The following DZIP3 variants were observed in gnomAD, a reference collection of about 807,000 sequenced individuals.
DZIP3 encodes the protein E3 ubiquitin-protein ligase DZIP3.
In DZIP3, 118 loss-of-function variants were observed where a neutral mutation model predicts 162.0. The ratio of observed to expected loss-of-function variants is 0.73; its 90% CI spans 0.63 to 0.85. The LOEUF (loss-of-function observed/expected upper bound fraction) is 0.85, where lower values mean the gene tolerates loss of function less well. Ranked by LOEUF, DZIP3 falls within the 40% of genes least tolerant of loss-of-function variation. The pLI is 0.00. For synonymous variants in DZIP3, 438 were observed against 458.6 expected (o/e 0.96, Z 0.57); for missense variants, 1,331 against 1,407.0 (o/e 0.95, Z 0.86).
At chr3:108,645,167 G>A (rs1460948540) in intron 14 of DZIP3, among the ~76,000 whole-genome samples, 3 of 152,144 alleles carry the variant, frequency 2.0e-5, no homozygotes, top group African/African-American at 7.2e-5. Context: ...AGTTCATAGA[G>A]TACATTCAAG....
intron 2 of DZIP3, among the ~76,000 whole-genome samples, chr3:108,607,626 C>G (rs1018959082): frequency 1.3e-5 from 2 of 152,096 alleles, no homozygotes; most frequent in African/African-American, 2.4e-5. Context: ...AAATATGATA[C>G]TTTTCCTCAG....
rs754743303 is a variant in DZIP3, at chr3:108,688,677, C to T, written c.3355C>T (p.Pro1119Ser). The change falls in exon 30 of 33, where the codon CCA becomes TCA. Residue 1119 changes from proline (P) to serine (S), a missense_variant. Physicochemically the swap from Pro to Ser is moderately conservative, Grantham distance 74. Coordinates refer to ENST00000361582, the MANE Select transcript of DZIP3 (RefSeq NM_014648.4). The stretch of plus-strand genomic sequence containing the variant: ...GCCTGATGCTGCCCAGCCCCCAAAA[C>T]CAGCCTGGAGGCCACTCACTTCACA... ...SQPDAAQPPK[P>S]AWRPLTSQGP... 1.6e-5 allele frequency: 26 copies of T among 1,614,016 alleles called. No individual in the cohort carries two copies. Among genetic ancestry groups the T allele is most frequent in the African/African-American group, 2.7e-5 (2 of 74,936 alleles).
At chr3:108,649,527 C>G (rs1252698706) in intron 17 of DZIP3, among the ~76,000 whole-genome samples, 1 of 151,740 alleles carries the variant, frequency 6.6e-6, no homozygotes, top group Non-Finnish European at 1.5e-5. Context: ...TAAGGGAAAG[C>G]CACATGTCTT....
chr3:108,672,411 A>G lies in DZIP3; in HGVS notation c.2493-149A>G, dbSNP rs540491892. The G allele has an allele frequency of 1.1e-5, 7 of 644,058 alleles. No individual in the cohort carries two copies. In the East Asian group the frequency reaches 1.4e-4, roughly 13 times the overall value. 39.9% of individuals were successfully genotyped at this position (644,058 alleles called of 1,614,324 possible). ...AAAGGATAACAGTAGGGATTGAACA[A>G]TGTATCTTCTCTTGTTTCTATGTGC... On this transcript the variant is annotated intron_variant, in intron 22 of 32. Transcript: ENST00000361582.
At chr3:108,620,995 G>A (rs1323707666) in intron 5 of DZIP3, among the ~76,000 whole-genome samples, 3 of 151,908 alleles carry the variant, frequency 2.0e-5, no homozygotes, top group Non-Finnish European at 2.9e-5. Context: ...CTAATTTTTT[G>A]TATTTTTAGT....
At chr3:108,618,594 A>C (rs963214547) in intron 5 of DZIP3, among the ~76,000 whole-genome samples, 1 of 152,176 alleles carries the variant, frequency 6.6e-6, no homozygotes, top group Non-Finnish European at 1.5e-5. Context: ...CTTAGATGTT[A>C]TGAGGAGTTT....
intron 24 of DZIP3, among the ~76,000 whole-genome samples, chr3:108,674,603 C>G (rs116751349): frequency 0.019 from 2,886 of 151,860 alleles, 98 homozygotes; most frequent in African/African-American, 0.066. Context: ...GACTTTTTTT[C>G]TAATTGTTTT....
At position 108,687,250 on chromosome 3, in the gene DZIP3, GATA is replaced by G. The variant is rs918358087; in HGVS notation, c.3149+671_3149+673del. On this transcript the variant is annotated intron_variant, in intron 28 of 32. Transcript: ENST00000361582. ...TTTATAAATTTCATAATAGTGAATAGATAATAAAATAGAACTCTAGTACAGTTG... is the reference window on the plus strand; with the variant it reads ...TTTATAAATTTCATAATAGTGAATAGATAAAATAGAACTCTAGTACAGTTG... Among the ~76,000 whole-genome samples, 17 of 151,946 alleles carry G rather than the reference GATA, an allele frequency of 1.1e-4. 1 individual carries two copies. Among genetic ancestry groups the G allele is most frequent in the Admixed American group, 6.6e-4 (10 of 15,266 alleles).
Position 108,690,247 on chromosome 3 carries a change from C to T in DZIP3, c.3517-540C>T, listed in dbSNP as rs529735572. On this transcript the variant is annotated intron_variant, in intron 31 of 32. Coordinates refer to ENST00000361582, the MANE Select transcript of DZIP3 (RefSeq NM_014648.4). Reference sequence around the variant, plus strand: ...GACCTGGCCCTCCATTATTTATATACGTAAAAATGATTTGTTTTTGGAGAG... The same window carrying T: ...GACCTGGCCCTCCATTATTTATATATGTAAAAATGATTTGTTTTTGGAGAG... Among the ~76,000 whole-genome samples the T allele has an allele frequency of 3.9e-5, 6 of 152,208 alleles. No homozygotes were observed. The East Asian group carries it at 7.7e-4, about 20-fold the overall frequency.
intron 26 of DZIP3, 30 bp from the exon 27 acceptor site, chr3:108,684,186 G>A (rs765898560): frequency 6.3e-7 from 1 of 1,582,220 alleles, no homozygotes; most frequent in Non-Finnish European, 8.6e-7. Flanking sequence ...GGGGGGTGTT[G>A]TTTATTATTG....
At position 108,605,451 on chromosome 3, in the gene DZIP3, T is replaced by C; in HGVS notation, c.32+13T>C. The stretch of plus-strand genomic sequence containing the variant: ...AATTTTTTGTGAGGTAAGGCCACAG[T>C]CCCCAACCTTTTTGGCACCATGGAC... On this transcript the variant is annotated intron_variant, in intron 2 of 32. Coordinates refer to ENST00000361582, the MANE Select transcript of DZIP3 (RefSeq NM_014648.4). 1 of 1,612,816 alleles carries C rather than the reference T, an allele frequency of 6.2e-7. No individual in the cohort carries two copies.
intron 13 of DZIP3, 129 bp from the exon 14 acceptor site, chr3:108,644,035 A>G (rs1054458175): frequency 4.2e-5 from 48 of 1,153,510 alleles, no homozygotes; most frequent in Middle Eastern, 6.1e-4. Flanking sequence ...GCTGTGGCAA[A>G]GCACTGTACT....
In DZIP3 at chr3:108,688,614, A is replaced by G; in HGVS notation, c.3292A>G (p.Asn1098Asp). 2.5e-6 allele frequency: 4 copies of G among 1,612,490 alleles called. No homozygotes were observed. Among genetic ancestry groups the G allele is most frequent in the East Asian group, 2.2e-5 (1 of 44,880 alleles). ...KSQSQGKSVS[N>D]VNCVSPSHSP... is the part of the protein sequence containing the mutation. ...TCAGAGTCAAGGAAAATCAGTGTCA[A>G]ATGTTAATTGTGTTTCACCTAGTCA... Residue 1098 changes from asparagine (N) to aspartate (D), a missense_variant, in exon 30 of 33, where the codon AAT becomes GAT. Coordinates refer to ENST00000361582, the MANE Select transcript of DZIP3 (RefSeq NM_014648.4).
chr3:108,634,614 T>A (rs969463899), intron 9 of DZIP3, among the ~76,000 whole-genome samples: 3 of 152,118 alleles, frequency 2.0e-5, no homozygotes, highest in African/African-American at 7.2e-5. Flanking sequence ...GATATTTTGT[T>A]GTACGTAGAA....
chr3:108,655,507 A>G (rs1216537394), intron 19 of DZIP3, among the ~76,000 whole-genome samples: 1 of 152,102 alleles, frequency 6.6e-6, no homozygotes, highest in African/African-American at 2.4e-5. Flanking sequence ...AAGAAATGGT[A>G]AGTGGGGGGT....
chr3:108,621,135 T>C (rs564529309), intron 5 of DZIP3, among the ~76,000 whole-genome samples: 3 of 152,300 alleles, frequency 2.0e-5, no homozygotes, highest in Admixed American at 1.3e-4. Context: ...CATTGTATTT[T>C]TAAAGGTGGA....
intron 6 of DZIP3, among the ~76,000 whole-genome samples, chr3:108,625,325 G>A (rs955520639): frequency 6.6e-6 from 1 of 152,192 alleles, no homozygotes. Flanking sequence ...CTGAAATACT[G>A]TGAAGAATTG....
Position 108,668,799 on chromosome 3 carries a change from T to A in DZIP3, c.2424-882T>A, listed in dbSNP as rs1414773099. Among the ~76,000 whole-genome samples, 3 of 152,088 alleles carry A rather than the reference T, an allele frequency of 2.0e-5. No individual in the cohort carries two copies. The East Asian group carries it at 5.8e-4, about 29-fold the overall frequency. On this transcript the variant is annotated intron_variant, in intron 21 of 32. Coordinates refer to ENST00000361582, the MANE Select transcript of DZIP3 (RefSeq NM_014648.4). ...ATGGGTAGTCTCTGAAATCTGGTAGTGAGCAATCCATCCAACATTAAAGTC... is the reference window on the plus strand; with the variant it reads ...ATGGGTAGTCTCTGAAATCTGGTAGAGAGCAATCCATCCAACATTAAAGTC...
At chr3:108,656,035 G>C (rs558764081) in intron 19 of DZIP3, among the ~76,000 whole-genome samples, 1 of 152,340 alleles carries the variant, frequency 6.6e-6, no homozygotes, top group South Asian at 2.1e-4. Context: ...GCTCAAGGAG[G>C]CCTCTCTGCC....
Sources: allele counts gnomAD v4.1 joint callset (sites outside exome capture counted in the v4.1 genomes callset), GRCh38; gene constraint gnomAD v4.1.1; transcripts MANE v1.5; gene names NCBI Gene and HGNC (gene_info 2026-07-23, HGNC 2026-07-21).